Variants in CLOCK observed in about 807,000 individuals in gnomAD.
The protein encoded by CLOCK is circadian locomoter output cycles protein kaput.
In CLOCK, 43 loss-of-function variants were observed where a neutral mutation model predicts 118.4. The observed-to-expected ratio is 0.36, with a 90% confidence interval of 0.28 to 0.47. CLOCK has a LOEUF of 0.47. Ranked by LOEUF, CLOCK falls within the 20% of genes least tolerant of loss-of-function variation. The pLI, the probability that CLOCK is intolerant of heterozygous loss-of-function variation, is 1.00. For synonymous variants in CLOCK, 326 were observed against 339.2 expected, an observed-to-expected ratio of 0.96 and a Z score of 0.43; for missense variants, 846 against 999.9, an observed-to-expected ratio of 0.85 and a Z score of 2.08.
chr4:55,531,463 T>C (rs1730538349), intron 1 of CLOCK, among the ~76,000 whole-genome samples: 1 of 151,848 alleles, frequency 6.6e-6, no homozygotes, highest in Non-Finnish European at 1.5e-5. Flanking sequence ...TCCCAGCATT[T>C]TGGGAGGCCG....
chr4:55,534,875 G>T lies in CLOCK; in HGVS notation c.-290+11907C>A, dbSNP rs148460818. ...TCAGTTTTCTTTAAATTAATCTATA[G>T]AGTAAATACAACCCTAAACAAAATC... On this transcript the variant is annotated intron_variant, in intron 1 of 22. Coordinates refer to ENST00000513440, the MANE Select transcript of CLOCK (RefSeq NM_004898.4). Among the ~76,000 whole-genome samples, 38 of 151,882 alleles carry T rather than the reference G, an allele frequency of 2.5e-4. No individual in the cohort carries two copies. In the East Asian group the frequency reaches 7.3e-3, roughly 29 times the overall value.
At chr4:55,471,434 A>C (rs1403307065) in intron 7 of CLOCK, among the ~76,000 whole-genome samples, 1 of 152,184 alleles carries the variant, frequency 6.6e-6, no homozygotes, top group Non-Finnish European at 1.5e-5. Flanking sequence ...GCAGGGTGTA[A>C]AATGGATTTA....
In CLOCK at chr4:55,459,242, G is replaced by A; in HGVS notation, c.579C>T (p.Phe193=). Residue 193 remains phenylalanine, a synonymous_variant, in exon 10 of 23, where the codon TTC becomes TTT. Coordinates refer to ENST00000513440, the MANE Select transcript of CLOCK (RefSeq NM_004898.4). ...TTGTTCCTCGCAGCATGTGACAACA[G>A]AATTCTAACTGATTTTTTGCTGAAA... ...EYLKSKNQLE[F]CCHMLRGTID... is the part of the protein sequence containing the mutation. 1 of 1,608,372 alleles carries A rather than the reference G, an allele frequency of 6.2e-7. No homozygotes were observed. The highest frequency in any genetic ancestry group is 8.5e-7 in the Non-Finnish European group (1 of 1,175,008).
chr4:55,445,875 C>T (rs1723799825), intron 18 of CLOCK, among the ~76,000 whole-genome samples: 1 of 151,936 alleles, frequency 6.6e-6, no homozygotes, highest in Non-Finnish European at 1.5e-5. Flanking sequence ...AGAATACAGG[C>T]ATGAGCCACC....
intron 1 of CLOCK, among the ~76,000 whole-genome samples, chr4:55,526,363 T>A (rs75511284): frequency 0.034 from 5,129 of 152,260 alleles, 104 homozygotes; most frequent in Non-Finnish European, 0.054. Context: ...TCACAATGGA[T>A]CATATTGTCA....
At chr4:55,540,911 C>T (rs960476550) in intron 1 of CLOCK, 1 of 152,114 alleles carries the variant, frequency 6.6e-6, no homozygotes, top group Non-Finnish European at 1.5e-5. Flanking sequence ...GAAACTTAAT[C>T]GTCGTCATTA....
At chr4:55,488,094 T>C (rs73153621) in intron 3 of CLOCK, among the ~76,000 whole-genome samples, 4,965 of 152,284 alleles carry the variant, frequency 0.033, 280 homozygotes, top group African/African-American at 0.11. Context: ...AATCTCCATA[T>C]TGCCAAGTCT....
At chr4:55,542,375 A>ATT (rs1731333911) in intron 1 of CLOCK, among the ~76,000 whole-genome samples, 1 of 22,840 alleles carries the variant, frequency 4.4e-5, no homozygotes. Context: ...TAATAATAAT[A>ATT]ATAATATTAT....
chr4:55,500,823 C>A (rs1043544581), intron 2 of CLOCK, among the ~76,000 whole-genome samples: 2 of 152,078 alleles, frequency 1.3e-5, no homozygotes, highest in Non-Finnish European at 2.9e-5. Context: ...GTAAGCCGAT[C>A]GTTCTCCAGT....
At position 55,525,272 on chromosome 4, in the gene CLOCK, A is replaced by C. The variant is rs75330959; in HGVS notation, c.-289-15207T>G. On this transcript the variant is annotated intron_variant, in intron 1 of 22. Coordinates refer to ENST00000513440, the MANE Select transcript of CLOCK (RefSeq NM_004898.4). ...AGGATCACTTGAGGTTGGGAGTTCG[A>C]GACCAGCTTAGGCCACATACCCTGT... 4.3e-3 allele frequency among the ~76,000 whole-genome samples: 648 copies of C among 152,292 alleles called. 12 individuals carry two copies. In the East Asian group the frequency reaches 0.067, roughly 16 times the overall value.
At chr4:55,520,068 T>A (rs1729763428) in intron 1 of CLOCK, among the ~76,000 whole-genome samples, 1 of 152,172 alleles carries the variant, frequency 6.6e-6, no homozygotes, top group South Asian at 2.1e-4. Context: ...ATAATCCGAT[T>A]CAAGGCCAAC....
chr4:55,513,575 A>G (rs1237974751), intron 1 of CLOCK, among the ~76,000 whole-genome samples: 1 of 152,148 alleles, frequency 6.6e-6, no homozygotes, highest in Non-Finnish European at 1.5e-5. Flanking sequence ...TCTTGAAGTC[A>G]GGCAATGTTG....
intron 2 of CLOCK, among the ~76,000 whole-genome samples, chr4:55,502,851 C>T (rs1489661777): frequency 6.6e-6 from 1 of 152,150 alleles, no homozygotes; most frequent in Non-Finnish European, 1.5e-5. Context: ...ACATAACAGT[C>T]ATATCCCCAA....
intron 1 of CLOCK, among the ~76,000 whole-genome samples, chr4:55,511,432 A>G (rs1183326263): frequency 6.6e-6 from 1 of 152,226 alleles, no homozygotes; most frequent in Non-Finnish European, 1.5e-5. Flanking sequence ...TCAACAAAAA[A>G]AGACTTTAGA....
At chr4:55,464,310 C>T (rs1487537804) in intron 8 of CLOCK, among the ~76,000 whole-genome samples, 4 of 152,154 alleles carry the variant, frequency 2.6e-5, no homozygotes, top group African/African-American at 9.7e-5. Flanking sequence ...GTTATCCCCC[C>T]TCAAAAGGAC....
chr4:55,459,044 TG>T, intron 10 of CLOCK, 34 bp from the exon 11 acceptor site: 1 of 1,562,946 alleles, frequency 6.4e-7, no homozygotes, highest in Non-Finnish European at 8.8e-7. Flanking sequence ...TCATCAGTTA[TG>T]CCAGCAAAAC....
In CLOCK at chr4:55,448,599, C is replaced by CGT. The variant is rs1328426824; in HGVS notation, c.1539+179_1539+180insAC. Among the ~76,000 whole-genome samples the CGT allele has an allele frequency of 8.7e-4, 92 of 105,662 alleles. 1 individual carries two copies. Among genetic ancestry groups the CGT allele is most frequent in the Admixed American group, 2.4e-3 (24 of 10,188 alleles). 69.3% of individuals were successfully genotyped at this position (105,662 alleles called of 152,430 possible). On this transcript the variant is annotated intron_variant, in intron 18 of 22. Coordinates refer to ENST00000513440, the MANE Select transcript of CLOCK (RefSeq NM_004898.4). The stretch of plus-strand genomic sequence containing the variant: ...TTATATATGTGCGCGCGCGCACGCG[C>CGT]GCGTGTGTGTGTGTGTGTGTGTGTG...
intron 18 of CLOCK, among the ~76,000 whole-genome samples, chr4:55,447,370 A>AAC (rs1302674364): frequency 6.6e-6 from 1 of 152,160 alleles, no homozygotes; most frequent in East Asian, 1.9e-4. Flanking sequence ...TCTCAAAAAA[A>AAC]AATTAAAAAG....
chr4:55,519,821 C>T (rs1729750052), intron 1 of CLOCK, among the ~76,000 whole-genome samples: 1 of 151,876 alleles, frequency 6.6e-6, no homozygotes. Flanking sequence ...CATCATTGAA[C>T]ATTTATGGGG....
Sources: allele counts gnomAD v4.1 joint callset (sites outside exome capture counted in the v4.1 genomes callset), GRCh38; gene constraint gnomAD v4.1.1; transcripts MANE v1.5; gene names NCBI Gene and HGNC (gene_info 2026-07-23, HGNC 2026-07-21).